The following TSGA10 variants were observed in gnomAD, a reference collection of about 807,000 sequenced individuals.
TSGA10 encodes testis specific 10, also known as testis-specific gene 10 protein.
In TSGA10, 43 loss-of-function variants were observed where a neutral mutation model predicts 96.6. The observed-to-expected ratio is 0.44, with a 90% confidence interval of 0.35 to 0.57. The LOEUF (loss-of-function observed/expected upper bound fraction) is 0.57, where lower values mean the gene tolerates loss of function less well. Among genes scored for constraint, TSGA10 ranks in the 20% least tolerant of loss-of-function variants. The probability of loss-of-function intolerance (pLI) is 0.01; values close to 1 mark genes in which losing one functional copy is unlikely to be tolerated. For synonymous variants in TSGA10, 229 were observed against 269.9 expected (o/e 0.85, Z 1.48); for missense variants, 703 against 834.4 (o/e 0.84, Z 1.94).
chr2:99,131,199 A>G (rs1026232300), intron 1 of TSGA10, among the ~76,000 whole-genome samples: 1 of 152,154 alleles, frequency 6.6e-6, no homozygotes, highest in African/African-American at 2.4e-5. Context: ...CATTGAATCT[A>G]TAAAATACTG....
intron 4 of TSGA10, among the ~76,000 whole-genome samples, chr2:99,114,872 T>G (rs2092119207): frequency 6.6e-6 from 1 of 152,036 alleles, no homozygotes; most frequent in Non-Finnish European, 1.5e-5. Context: ...TGGGAAGGAG[T>G]GCAGTTAATT....
chr2:99,004,414 T>C (rs1264671734), intron 20 of TSGA10, among the ~76,000 whole-genome samples: 1 of 146,562 alleles, frequency 6.8e-6, no homozygotes, highest in African/African-American at 2.5e-5. Flanking sequence ...TTCCAATCAA[T>C]AGAAAAAGAG....
At chr2:99,152,385 T>C (rs1383635386) in intron 1 of TSGA10, among the ~76,000 whole-genome samples, 4 of 152,130 alleles carry the variant, frequency 2.6e-5, no homozygotes, top group African/African-American at 9.7e-5. Flanking sequence ...TTCCTGTTCT[T>C]AAGCGATCTT....
intron 2 of TSGA10, chr2:99,124,739 C>G (rs1467788269): frequency 1.3e-5 from 2 of 152,104 alleles, no homozygotes; most frequent in East Asian, 3.9e-4. Context: ...CACCCACCAC[C>G]ATGCCCGGCT....
chr2:99,139,265 A>G (rs2093438388), intron 1 of TSGA10, among the ~76,000 whole-genome samples: 1 of 152,172 alleles, frequency 6.6e-6, no homozygotes, highest in Non-Finnish European at 1.5e-5. Context: ...TGTCTCAAAA[A>G]AAAAAGGTAA....
chr2:99,123,172 G>A (rs149458352), intron 2 of TSGA10, among the ~76,000 whole-genome samples: 21 of 152,130 alleles, frequency 1.4e-4, no homozygotes, highest in African/African-American at 4.8e-4. Context: ...GTTTCTCTCT[G>A]GTTACTTTCA....
intron 16 of TSGA10, among the ~76,000 whole-genome samples, chr2:99,036,951 C>T (rs1271263233): frequency 3.3e-5 from 5 of 152,052 alleles, no homozygotes; most frequent in African/African-American, 1.2e-4. Context: ...ACATTCCTAA[C>T]AACAGAGCAT....
At chr2:99,046,044 C>T (rs1181509641) in intron 16 of TSGA10, among the ~76,000 whole-genome samples, 1 of 152,016 alleles carries the variant, frequency 6.6e-6, no homozygotes, top group African/African-American at 2.4e-5. Context: ...ATATATGTAC[C>T]CAATACAGGA....
chr2:99,129,143 G>C (rs1574609306), intron 1 of TSGA10, among the ~76,000 whole-genome samples: 1 of 152,122 alleles, frequency 6.6e-6, no homozygotes, highest in African/African-American at 2.4e-5. Flanking sequence ...TTAAGGCTCA[G>C]CTGGAATTCC....
At chr2:99,142,733 T>C (rs2093583070) in intron 1 of TSGA10, among the ~76,000 whole-genome samples, 1 of 152,230 alleles carries the variant, frequency 6.6e-6, no homozygotes, top group African/African-American at 2.4e-5. Flanking sequence ...GAATAATGTA[T>C]AATCTCATTT....
Position 98,998,110 on chromosome 2 carries a change from A to C in TSGA10, c.*87T>G. The C allele has an allele frequency of 1.8e-6, 2 of 1,118,744 alleles. No individual in the cohort carries two copies. Among genetic ancestry groups the C allele is most frequent in the South Asian group, 2.8e-5 (2 of 71,332 alleles). The allele number at this position is 1,118,744 out of a possible 1,614,324, so 69.3% of individuals were successfully genotyped here. On this transcript the variant is annotated 3_prime_UTR_variant, in exon 21 of 21. Coordinates refer to ENST00000393483, the MANE Select transcript of TSGA10 (RefSeq NM_025244.4). ...TACATTTAACATTGCCAAGCATTTA[A>C]AAGATAAATGCACTCATGTAGCAAA...
intron 4 of TSGA10, 61 bp downstream of exon 4, chr2:99,117,483 T>C: frequency 1.2e-6 from 1 of 824,120 alleles, no homozygotes; most frequent in Non-Finnish European, 1.5e-6. Context: ...TTCCATTGCA[T>C]TTAAAAATTA....
chr2:99,036,745 T>A (rs188458214), intron 16 of TSGA10, among the ~76,000 whole-genome samples: 38 of 152,250 alleles, frequency 2.5e-4, no homozygotes, highest in African/African-American at 8.9e-4. Flanking sequence ...GAAAACAAGA[T>A]CTACTTATTT....
chr2:99,071,200 C>T (rs909143922), intron 14 of TSGA10, among the ~76,000 whole-genome samples: 3 of 151,848 alleles, frequency 2.0e-5, no homozygotes, highest in Non-Finnish European at 2.9e-5. Context: ...TAAATGTTCA[C>T]GTTAAAATAA....
intron 16 of TSGA10, among the ~76,000 whole-genome samples, chr2:99,050,335 C>T (rs1170726462): frequency 6.6e-6 from 1 of 152,148 alleles, no homozygotes; most frequent in Non-Finnish European, 1.5e-5. Context: ...TGAGCACTGA[C>T]ATGACATTCA....
chr2:99,143,788 A>G (rs1181572683), intron 1 of TSGA10, among the ~76,000 whole-genome samples: 2 of 152,128 alleles, frequency 1.3e-5, no homozygotes, highest in Admixed American at 1.3e-4. Flanking sequence ...AGCCTTATAT[A>G]GTACCCTGTG....
At chr2:99,137,059 T>C (rs138465314) in intron 1 of TSGA10, among the ~76,000 whole-genome samples, 1,651 of 147,760 alleles carry the variant, frequency 0.011, 11 homozygotes, top group Non-Finnish European at 0.018. Context: ...AGTGCAGTGG[T>C]ATGATCTCGG....
intron 1 of TSGA10, among the ~76,000 whole-genome samples, chr2:99,151,855 G>T (rs983589917): frequency 1.3e-5 from 2 of 152,140 alleles, no homozygotes; most frequent in Non-Finnish European, 2.9e-5. Context: ...TATCAGTTAT[G>T]AAAATATCTG....
At chr2:99,029,272 A>C (rs1241905790) in intron 17 of TSGA10, among the ~76,000 whole-genome samples, 1 of 152,194 alleles carries the variant, frequency 6.6e-6, no homozygotes, top group Admixed American at 6.5e-5. Context: ...AAAGATGCTA[A>C]AGGAAGAATA....
Sources: gnomAD v4.1 joint callset for allele counts (sites outside exome capture counted in the v4.1 genomes callset) on GRCh38, gnomAD v4.1.1 for gene constraint, MANE v1.5 for transcripts, NCBI Gene and HGNC (gene_info 2026-07-23, HGNC 2026-07-21) for gene names.